The following PTPRD variants were observed in gnomAD, a reference collection of about 807,000 sequenced individuals.
PTPRD encodes the protein receptor-type tyrosine-protein phosphatase delta.
PTPRD carries 34 observed loss-of-function variants against 214.5 expected under a neutral mutation model. That is an observed-to-expected ratio of 0.16 (90% CI 0.12 to 0.21). The LOEUF (loss-of-function observed/expected upper bound fraction) is 0.21. Ranked by LOEUF, PTPRD falls within the 10% of genes least tolerant of loss-of-function variation. PTPRD has a pLI of 1.00. For missense variants in PTPRD, 2,545 were observed against 2,398.7 expected (o/e 1.06, Z -1.27); for synonymous variants, 1,128 against 845.7 (o/e 1.33, Z -5.79).
chr9:9,051,028 T>A (rs2099684202), intron 10 of PTPRD, among the ~76,000 whole-genome samples: 1 of 152,170 alleles, frequency 6.6e-6, no homozygotes, highest in Admixed American at 6.6e-5. Context: ...CATTACTTTT[T>A]AATTTTTTCC....
intron 2 of PTPRD, among the ~76,000 whole-genome samples, chr9:10,458,663 A>G (rs1157471874): frequency 6.6e-6 from 1 of 152,176 alleles, no homozygotes; most frequent in Non-Finnish European, 1.5e-5. Context: ...TGCCACTTCT[A>G]TTTAACACAG....
rs1170178788 is a variant in PTPRD, at chr9:8,341,324, C to A, written c.4948-56G>T. ...ACCCAACAAAGATCATTTTCACCTA[C>A]AGTTTGAATGCAGTGTACCCCAGAT... On this transcript the variant is annotated intron_variant, in intron 40 of 45. Coordinates refer to ENST00000381196, the MANE Select transcript of PTPRD (RefSeq NM_002839.4). 4.0e-6 allele frequency: 6 copies of A among 1,507,908 alleles called. No homozygotes were observed. The African/African-American group carries it at 4.2e-5, about 11-fold the overall frequency. 93.4% of individuals were successfully genotyped at this position (1,507,908 alleles called of 1,614,324 possible).
chr9:8,472,912 A>G (rs2096683345), intron 30 of PTPRD, among the ~76,000 whole-genome samples: 1 of 152,068 alleles, frequency 6.6e-6, no homozygotes, highest in Non-Finnish European at 1.5e-5. Flanking sequence ...AATCTGTTAT[A>G]TATTCTGAAA....
chr9:8,675,180 C>G (rs1182588264), intron 12 of PTPRD, among the ~76,000 whole-genome samples: 1 of 152,004 alleles, frequency 6.6e-6, no homozygotes, highest in Admixed American at 6.6e-5. Context: ...TGATTCCACC[C>G]GGGTTTGAAA....
chr9:8,429,058 T>C (rs2094878463), intron 35 of PTPRD, among the ~76,000 whole-genome samples: 1 of 152,248 alleles, frequency 6.6e-6, no homozygotes, highest in African/African-American at 2.4e-5. Context: ...GTCCTTAGCA[T>C]GTCATAGAGA....
intron 2 of PTPRD, among the ~76,000 whole-genome samples, chr9:10,375,386 T>G (rs2097708045): frequency 6.6e-6 from 1 of 152,040 alleles, no homozygotes; most frequent in Non-Finnish European, 1.5e-5. Context: ...TGGTTCAATT[T>G]CCCAAGTTAC....
intron 4 of PTPRD, among the ~76,000 whole-genome samples, chr9:10,002,842 G>A (rs2096364390): frequency 6.6e-6 from 1 of 151,480 alleles, no homozygotes. Context: ...ATGAAAATCT[G>A]TAGAAGATAT....
chr9:10,432,594 T>A (rs900421341), intron 2 of PTPRD, among the ~76,000 whole-genome samples: 2 of 151,984 alleles, frequency 1.3e-5, no homozygotes, highest in Non-Finnish European at 2.9e-5. Flanking sequence ...TCACGACTTC[T>A]TAGATCAGAA....
chr9:9,910,059 G>A (rs754524021), intron 5 of PTPRD, among the ~76,000 whole-genome samples: 2 of 151,840 alleles, frequency 1.3e-5, no homozygotes, highest in Middle Eastern at 3.2e-3. Flanking sequence ...TTCAAATGCT[G>A]GCTCAACTGC....
At chr9:10,301,259 G>A (rs772541317) in intron 3 of PTPRD, among the ~76,000 whole-genome samples, 5 of 152,220 alleles carry the variant, frequency 3.3e-5, no homozygotes, top group Non-Finnish European at 2.9e-5. Flanking sequence ...GACCCCATCC[G>A]AAGGTCACCA....
chr9:9,511,323 G>A lies in PTPRD; in HGVS notation c.-237+63409C>T, dbSNP rs182871196. 1.8e-3 allele frequency among the ~76,000 whole-genome samples: 275 copies of A among 151,834 alleles called. 1 individual carries two copies. Among genetic ancestry groups the A allele is most frequent in the African/African-American group, 6.1e-3 (252 of 41,494 alleles). On this transcript the variant is annotated intron_variant, in intron 8 of 45. Coordinates refer to ENST00000381196, the MANE Select transcript of PTPRD (RefSeq NM_002839.4). ...ACATGCAATGCAAAGCTTTTGGTAT[G>A]AAAGAAGAATCTGGTAGCTGAGATT...
intron 11 of PTPRD, among the ~76,000 whole-genome samples, chr9:8,965,914 A>G (rs182567137): frequency 5.6e-4 from 86 of 152,260 alleles, no homozygotes; most frequent in African/African-American, 1.7e-3. Context: ...AAAGACTATG[A>G]GAACTGATAA....
intron 11 of PTPRD, among the ~76,000 whole-genome samples, chr9:8,772,391 A>ATTTT (rs1368523615): frequency 6.6e-5 from 10 of 151,866 alleles, no homozygotes; most frequent in Non-Finnish European, 1.3e-4. Flanking sequence ...AGCACAGTAC[A>ATTTT]TAAAGAAGTA....
intron 3 of PTPRD, among the ~76,000 whole-genome samples, chr9:10,169,191 C>A (rs2099182234): frequency 6.6e-6 from 1 of 152,084 alleles, no homozygotes; most frequent in Non-Finnish European, 1.5e-5. Flanking sequence ...TGAATAAAAG[C>A]AGGCCGGGCG....
chr9:9,811,653 G>C (rs1359639133), intron 5 of PTPRD, among the ~76,000 whole-genome samples: 1 of 152,186 alleles, frequency 6.6e-6, no homozygotes, highest in African/African-American at 2.4e-5. Context: ...TTTGCAGTGA[G>C]CTGAGACCAG....
intron 11 of PTPRD, among the ~76,000 whole-genome samples, chr9:8,915,132 T>A (rs2098775687): frequency 6.6e-6 from 1 of 152,160 alleles, no homozygotes; most frequent in East Asian, 1.9e-4. Flanking sequence ...CAGAGTCTCA[T>A]ATGTCATGCT....
intron 2 of PTPRD, among the ~76,000 whole-genome samples, chr9:10,581,883 G>C (rs1002933169): frequency 6.6e-6 from 1 of 152,092 alleles, no homozygotes; most frequent in Non-Finnish European, 1.5e-5. Context: ...CAGAAGATAA[G>C]CACCATCAAG....
rs79181263 is a variant in PTPRD, at chr9:10,049,874, A to T, written c.-544-16084T>A. On this transcript the variant is annotated intron_variant, in intron 3 of 45. Transcript: ENST00000381196. Reference sequence around the variant, plus strand: ...ACACCTGACAAGGGACTTTGGTGTGAGACAGTTAGTCAAGTTTCATTGTAG... The same window carrying T: ...ACACCTGACAAGGGACTTTGGTGTGTGACAGTTAGTCAAGTTTCATTGTAG... Among the ~76,000 whole-genome samples the T allele has an allele frequency of 4.1e-3, 617 of 152,300 alleles. 5 individuals are homozygous for T. Among genetic ancestry groups the T allele is most frequent in the African/African-American group, 0.013 (558 of 41,576 alleles).
intron 4 of PTPRD, among the ~76,000 whole-genome samples, chr9:9,958,482 G>C (rs1403578701): frequency 1.3e-5 from 2 of 152,184 alleles, no homozygotes; most frequent in Non-Finnish European, 2.9e-5. Flanking sequence ...AGTGAGCCAA[G>C]ATCATGCCAT....
Sources: allele counts gnomAD v4.1 joint callset (sites outside exome capture counted in the v4.1 genomes callset), GRCh38; gene constraint gnomAD v4.1.1; transcripts MANE v1.5; gene names NCBI Gene and HGNC (gene_info 2026-07-23, HGNC 2026-07-21).